The following ANXA11 variants were observed in gnomAD, a reference collection of about 807,000 sequenced individuals.
ANXA11 encodes the protein annexin A11.
ANXA11 carries 57 observed loss-of-function variants against 64.7 expected under a neutral mutation model. That is an observed-to-expected ratio of 0.88 (90% confidence interval 0.71 to 1.10). The LOEUF (loss-of-function observed/expected upper bound fraction) is 1.10, where lower values mean the gene tolerates loss of function less well. Among genes scored for constraint, ANXA11 ranks in the 50% least tolerant of loss-of-function variants. The probability of loss-of-function intolerance (pLI) is 0.00; values close to 1 mark genes in which losing one functional copy is unlikely to be tolerated. For synonymous variants in ANXA11, 260 were observed against 265.2 expected (o/e 0.98, Z 0.19); for missense variants, 675 against 670.7 (o/e 1.01, Z -0.07).
At chr10:80,202,413 G>A (rs928671398) in intron 1 of ANXA11, among the ~76,000 whole-genome samples, 1 of 152,082 alleles carries the variant, frequency 6.6e-6, no homozygotes, top group African/African-American at 2.4e-5. Flanking sequence ...TTATTTCATG[G>A]GTTATAGGAG....
In ANXA11 at chr10:80,154,857, G is replaced by GC. The variant is rs890761447; in HGVS notation, c.*995dup. ...CCTCCTGGGACCTGGGTGAAGGACT[G>GC]CATTCTTCGCACCACACCTTCAGTG... is the stretch of plus-strand genomic sequence containing the variant. On this transcript the variant is annotated 3_prime_UTR_variant, in exon 16 of 16. Transcript: ENST00000422982. 6.6e-6 allele frequency: 1 copy of GC among 152,254 alleles called. No individual in the cohort carries two copies. Among genetic ancestry groups the GC allele is most frequent in the Non-Finnish European group, 1.5e-5 (1 of 68,098 alleles). The allele number at this position is 152,254 out of a possible 1,614,324, so 9.4% of individuals were successfully genotyped here.
chr10:80,199,260 G>T (rs992799730), intron 1 of ANXA11, among the ~76,000 whole-genome samples: 1 of 151,948 alleles, frequency 6.6e-6, no homozygotes. Flanking sequence ...ACCACGCCTG[G>T]ATAATTTTTT....
rs1055853398 is a variant in ANXA11 at position 80,205,506 on chromosome 10, G to T, written c.-221C>A. 7 of 152,012 alleles carry T rather than the reference G, an allele frequency of 4.6e-5. No individual in the cohort carries two copies. Among genetic ancestry groups the T allele is most frequent in the African/African-American group, 1.4e-4 (6 of 41,404 alleles). 9.4% of individuals were successfully genotyped at this position (152,012 alleles called of 1,614,324 possible). On this transcript the variant is annotated 5_prime_UTR_variant, in exon 1 of 16. Transcript: ENST00000422982. ...CTCGGGGCACTGGGGAGCCGCGGGC[G>T]CAGCAGCCGTCAGCGCCGGGCGGAA...
At chr10:80,191,034 T>C (rs909661246) in intron 1 of ANXA11, among the ~76,000 whole-genome samples, 1 of 152,004 alleles carries the variant, frequency 6.6e-6, no homozygotes, top group Non-Finnish European at 1.5e-5. Flanking sequence ...GAGACCAGCC[T>C]GGCCAACATG....
chr10:80,172,977 G>T, intron 2 of ANXA11, 108 bp from the exon 3 acceptor site: 1 of 917,482 alleles, frequency 1.1e-6, no homozygotes, highest in South Asian at 1.5e-5. Flanking sequence ...GGACCCTGCA[G>T]AAGAAACTGC....
intron 1 of ANXA11, among the ~76,000 whole-genome samples, chr10:80,183,797 G>A (rs1846440781): frequency 6.6e-6 from 1 of 152,210 alleles, no homozygotes; most frequent in Non-Finnish European, 1.5e-5. Flanking sequence ...ACTCCTCACA[G>A]CCAGAAGGTT....
chr10:80,196,873 G>A (rs556881636), intron 1 of ANXA11, among the ~76,000 whole-genome samples: 1 of 152,320 alleles, frequency 6.6e-6, no homozygotes, highest in South Asian at 2.1e-4. Flanking sequence ...CTGGCACCTG[G>A]GGCAGCTCAG....
rs575643892 is a variant in ANXA11 at position 80,155,717 on chromosome 10, G to A, written c.*136C>T. 9.0e-6 allele frequency: 8 copies of A among 886,868 alleles called. No individual in the cohort carries two copies. Among genetic ancestry groups the A allele is most frequent in the South Asian group, 7.4e-5 (5 of 67,746 alleles). 54.9% of individuals were successfully genotyped at this position (886,868 alleles called of 1,614,324 possible). A position where few individuals can be genotyped will look rare whatever the true frequency, so the allele number is the denominator to read the frequency against. On this transcript the variant is annotated 3_prime_UTR_variant, in exon 16 of 16. Coordinates refer to ENST00000422982, the MANE Select transcript of ANXA11 (RefSeq NM_145868.2). ...TGGCACACTATACGGGTCAGGAGGG[G>A]TGGAAGACAGGCCTAAGCTCTAGGA...
chr10:80,189,218 TAAG>T (rs1846669683), intron 1 of ANXA11, among the ~76,000 whole-genome samples: 1 of 151,832 alleles, frequency 6.6e-6, no homozygotes, highest in South Asian at 2.1e-4. Flanking sequence ...AAAGGAAGAA[TAAG>T]AAGGACAGAG....
chr10:80,185,384 TTA>T (rs750267588), intron 1 of ANXA11, among the ~76,000 whole-genome samples: 1 of 152,182 alleles, frequency 6.6e-6, no homozygotes, highest in Non-Finnish European at 1.5e-5. Context: ...GGCACGCAGT[TTA>T]AGGAGCGAGA....
intron 12 of ANXA11, among the ~76,000 whole-genome samples, chr10:80,160,905 C>G (rs1845477524): frequency 6.6e-6 from 1 of 152,104 alleles, no homozygotes; most frequent in Non-Finnish European, 1.5e-5. Flanking sequence ...AATCCTCGAA[C>G]CCTCTCTCTC....
intron 1 of ANXA11, among the ~76,000 whole-genome samples, chr10:80,190,480 A>T (rs1284452926): frequency 7.0e-6 from 1 of 142,102 alleles, no homozygotes; most frequent in Non-Finnish European, 1.5e-5. Context: ...TTAATTTACA[A>T]TAAATTTTTT....
chr10:80,205,635 C>CGCGAGGA (rs1771882541), upstream of ANXA11: 1 of 152,096 alleles, frequency 6.6e-6, no homozygotes, highest in Non-Finnish European at 1.5e-5. Context: ...ACGGCGGGCC[C>CGCGAGGA]GCGAGGAGCA....
At position 80,159,103 on chromosome 10, in the gene ANXA11, C is replaced by T. The variant is rs561587637; in HGVS notation, c.1273G>A (p.Val425Met). ...SGDLEEGMLAVVKCLKNTPAF... is the reference protein window; with the variant it reads ...SGDLEEGMLAMVKCLKNTPAF... ...GCGGCAAACCTGAGACACTTACCCA[C>T]GGCCAGCATGCCCTCCTCCAGGTCC... is the stretch of plus-strand genomic sequence containing the variant. The change falls in exon 13 of 16, where the codon GTG becomes ATG. Residue 425 changes from valine to methionine, a missense_variant. Coordinates refer to ENST00000422982, the MANE Select transcript of ANXA11 (RefSeq NM_145868.2). The T allele has an allele frequency of 2.6e-5, 42 of 1,613,658 alleles. 1 individual carries two copies. The highest frequency in any genetic ancestry group is 1.9e-4 in the South Asian group (17 of 91,056).
rs1397970870 is a variant in ANXA11, at chr10:80,151,874, TG to T, written c.*3978del. 1 of 152,206 alleles carries T rather than the reference TG, an allele frequency of 6.6e-6. No homozygotes were observed. Among genetic ancestry groups the T allele is most frequent in the Non-Finnish European group, 1.5e-5 (1 of 68,036 alleles). The allele number at this position is 152,206 out of a possible 1,614,324, so 9.4% of individuals were successfully genotyped here. A position where few individuals can be genotyped will look rare whatever the true frequency, so the allele number is the denominator to read the frequency against. ...TCCCAGTCCCCACACCTGCTCAAAA[TG>T]CATGAGGGTCTGACCGCAGGAACTG... is the stretch of plus-strand genomic sequence containing the variant. On this transcript the variant is annotated 3_prime_UTR_variant, in exon 16 of 16. Coordinates refer to ENST00000422982, the MANE Select transcript of ANXA11 (RefSeq NM_145868.2).
At position 80,170,860 on chromosome 10, in the gene ANXA11, G is replaced by A. The variant is rs199500343; in HGVS notation, c.111C>T (p.Ile37=). ...AYPPPPSMPP[I]GLDNVATYAG... The stretch of plus-strand genomic sequence containing the variant: ...CATAGGTGGCCACGTTATCCAGCCC[G>A]ATGGGGGGCATGCTGGGCGGAGGAG... The change falls in exon 4 of 16, where the codon ATC becomes ATT. Residue 37 remains isoleucine (I), a synonymous_variant. Coordinates refer to ENST00000422982, the MANE Select transcript of ANXA11 (RefSeq NM_145868.2). 2.4e-5 allele frequency: 37 copies of A among 1,539,598 alleles called. No homozygotes were observed. The highest frequency in any genetic ancestry group is 4.7e-5 in the East Asian group (2 of 42,156).
At chr10:80,193,963 C>T (rs991224374) in intron 1 of ANXA11, among the ~76,000 whole-genome samples, 3 of 151,906 alleles carry the variant, frequency 2.0e-5, no homozygotes, top group African/African-American at 7.2e-5. Flanking sequence ...GGATTATAGG[C>T]ATGCGCCACC....
chr10:80,203,757 C>T (rs527462528), intron 1 of ANXA11, among the ~76,000 whole-genome samples: 5 of 152,204 alleles, frequency 3.3e-5, no homozygotes, highest in African/African-American at 1.2e-4. Context: ...AGCAGGCACC[C>T]GGATGGCTCC....
At chr10:80,174,258 CTTTTT>C (rs777988009) in intron 2 of ANXA11, among the ~76,000 whole-genome samples, 10 of 151,730 alleles carry the variant, frequency 6.6e-5, no homozygotes, top group Middle Eastern at 3.4e-3. Flanking sequence ...ATATGCTGTT[CTTTTT>C]AAGTTTTTTT....
Sources: allele counts gnomAD v4.1 joint callset (sites outside exome capture counted in the v4.1 genomes callset), GRCh38; gene constraint gnomAD v4.1.1; transcripts MANE v1.5; gene names NCBI Gene and HGNC (gene_info 2026-07-23, HGNC 2026-07-21).